PARD3: variants seen among roughly 807,000 people sequenced by gnomAD.
The protein encoded by PARD3 is partitioning defective 3 homolog.
A neutral mutation model predicts 155.4 loss-of-function variants in PARD3; 75 were observed. That is an observed-to-expected ratio of 0.48 (90% CI 0.40 to 0.58). PARD3 has a LOEUF of 0.58. Among genes scored for constraint, PARD3 ranks in the 20% least tolerant of loss-of-function variants. PARD3 has a pLI of 0.00. For synonymous variants in PARD3, 576 were observed against 610.5 expected, an observed-to-expected ratio of 0.94 and a Z score of 0.83; for missense variants, 1,642 against 1,721.7, an observed-to-expected ratio of 0.95 and a Z score of 0.82.
chr10:34,415,280 CAG>C (rs1845555053), intron 5 of PARD3, among the ~76,000 whole-genome samples: 1 of 152,112 alleles, frequency 6.6e-6, no homozygotes, highest in Non-Finnish European at 1.5e-5. Flanking sequence ...TCACTGAACA[CAG>C]AGTTGGGAAG....
intron 20 of PARD3, among the ~76,000 whole-genome samples, chr10:34,308,139 A>G (rs1387089483): frequency 6.6e-6 from 1 of 152,178 alleles, no homozygotes; most frequent in African/African-American, 2.4e-5. Context: ...ACTGAAGGAA[A>G]GAGCGGTAGG....
chr10:34,113,711 G>A (rs1392062912), intron 24 of PARD3, among the ~76,000 whole-genome samples: 1 of 152,074 alleles, frequency 6.6e-6, no homozygotes, highest in African/African-American at 2.4e-5. Context: ...AGTGGCTTAG[G>A]CTTAGAGCAA....
rs76847491 is a variant in PARD3 at position 34,236,555 on chromosome 10, G to A, written c.3419+33102C>T. Among the ~76,000 whole-genome samples the A allele has an allele frequency of 3.8e-3, 580 of 152,076 alleles. 26 individuals are homozygous for A. The East Asian group carries it at 0.091, about 24-fold the overall frequency. ...TAGCAAGGTAGAAACCTTTTGTTGC[G>A]CTACTGTTGTTTTTCCTGTTTGGTA... On this transcript the variant is annotated intron_variant, in intron 22 of 24. Coordinates refer to ENST00000374788, the MANE Select transcript of PARD3 (RefSeq NM_001184785.2).
At chr10:34,482,778 G>A (rs1029300704) in intron 3 of PARD3, among the ~76,000 whole-genome samples, 1 of 151,844 alleles carries the variant, frequency 6.6e-6, no homozygotes, top group Non-Finnish European at 1.5e-5. Flanking sequence ...GAAACTGAGA[G>A]AAGAAAAAAG....
intron 22 of PARD3, among the ~76,000 whole-genome samples, chr10:34,228,567 G>T (rs1952746696): frequency 6.6e-6 from 1 of 152,076 alleles, no homozygotes; most frequent in Non-Finnish European, 1.5e-5. Context: ...AGACTAGATT[G>T]TGGTGACAGT....
rs190377584 is a variant in PARD3, at chr10:34,810,043, C to A, written c.120+4833G>T. On this transcript the variant is annotated intron_variant, in intron 1 of 24. Coordinates refer to ENST00000374788, the MANE Select transcript of PARD3 (RefSeq NM_001184785.2). ...ATTGTTACTAATCAACAGTCTCCCG[C>A]CACCAAAAAAGCACATTTTCAAAAG... is the stretch of plus-strand genomic sequence containing the variant. 2.2e-4 allele frequency among the ~76,000 whole-genome samples: 34 copies of A among 152,238 alleles called. No individual in the cohort carries two copies. In the East Asian group the frequency reaches 6.4e-3, roughly 29 times the overall value.
intron 5 of PARD3, among the ~76,000 whole-genome samples, chr10:34,432,584 G>C (rs1473877076): frequency 6.6e-6 from 1 of 152,142 alleles, no homozygotes; most frequent in East Asian, 1.9e-4. Flanking sequence ...AGGTAATTCT[G>C]AACACATAGG....
chr10:34,221,903 C>T (rs1054047105), intron 22 of PARD3, among the ~76,000 whole-genome samples: 13 of 152,174 alleles, frequency 8.5e-5, no homozygotes, highest in African/African-American at 1.2e-4. Flanking sequence ...TATGTCATTT[C>T]AGTGATTCTA....
At chr10:34,447,436 G>A (rs1482130646) in intron 5 of PARD3, among the ~76,000 whole-genome samples, 2 of 129,766 alleles carry the variant, frequency 1.5e-5, no homozygotes, top group African/African-American at 5.8e-5. Context: ...AGCTGAGATT[G>A]TGCCACTGCA....
intron 24 of PARD3, among the ~76,000 whole-genome samples, chr10:34,118,331 T>C (rs1468784206): frequency 1.3e-5 from 2 of 152,134 alleles, no homozygotes; most frequent in Non-Finnish European, 1.5e-5. Context: ...GTTGTTACAG[T>C]GATTATTTAA....
At chr10:34,375,558 T>C (rs750512929) in intron 10 of PARD3, among the ~76,000 whole-genome samples, 3 of 152,046 alleles carry the variant, frequency 2.0e-5, no homozygotes, top group Non-Finnish European at 4.4e-5. Flanking sequence ...AGGGAAGCAA[T>C]ATTTCAGCTG....
intron 24 of PARD3, among the ~76,000 whole-genome samples, chr10:34,112,244 C>T (rs35329752): frequency 0.011 from 1,740 of 152,312 alleles, 26 homozygotes; most frequent in Admixed American, 0.05. Flanking sequence ...TTTTCTTATA[C>T]ATTTACCTTC....
intron 22 of PARD3, among the ~76,000 whole-genome samples, chr10:34,183,665 G>GT (rs894416616): frequency 2.0e-5 from 3 of 152,170 alleles, no homozygotes; most frequent in African/African-American, 7.2e-5. Flanking sequence ...GGAGGGCCAG[G>GT]TTTTCACGGG....
intron 2 of PARD3, among the ~76,000 whole-genome samples, chr10:34,597,928 C>T (rs972577832): frequency 5.9e-5 from 9 of 152,210 alleles, no homozygotes; most frequent in South Asian, 2.1e-4. Context: ...GTGTCAATTA[C>T]TATTTGTTAA....
chr10:34,227,662 TA>T (rs982402873), intron 22 of PARD3, among the ~76,000 whole-genome samples: 2 of 151,150 alleles, frequency 1.3e-5, no homozygotes, highest in African/African-American at 2.4e-5. Context: ...ACATACATAA[TA>T]AAAAAATAAC....
chr10:34,616,860 G>T (rs773232548), intron 2 of PARD3, among the ~76,000 whole-genome samples: 1 of 151,200 alleles, frequency 6.6e-6, no homozygotes, highest in Non-Finnish European at 1.5e-5. Flanking sequence ...ATATGAGCAT[G>T]GGAGGTGGAG....
chr10:34,423,495 G>A (rs990357499), intron 5 of PARD3, among the ~76,000 whole-genome samples: 6 of 152,110 alleles, frequency 3.9e-5, no homozygotes, highest in African/African-American at 7.2e-5. Context: ...AACGAAGTAC[G>A]TGAGGTATTA....
intron 3 of PARD3, among the ~76,000 whole-genome samples, chr10:34,476,674 C>G (rs2078726673): frequency 1.3e-5 from 2 of 152,026 alleles, no homozygotes; most frequent in South Asian, 4.1e-4. Context: ...TCATATACCC[C>G]CAACCAGTGA....
At chr10:34,593,814 T>C (rs929140281) in intron 2 of PARD3, among the ~76,000 whole-genome samples, 2 of 152,160 alleles carry the variant, frequency 1.3e-5, no homozygotes, top group Admixed American at 1.3e-4. Context: ...TGGTAAAAAC[T>C]TGAAAAAGTT....
Sources: allele counts gnomAD v4.1 joint callset (sites outside exome capture counted in the v4.1 genomes callset), GRCh38; gene constraint gnomAD v4.1.1; transcripts MANE v1.5; gene names NCBI Gene and HGNC (gene_info 2026-07-23, HGNC 2026-07-21).